Variants in SNTG2 observed in about 807,000 individuals in gnomAD.
The protein encoded by SNTG2 is syntrophin gamma 2, also known as gamma-2-syntrophin.
In SNTG2, 74 loss-of-function variants were observed where a neutral mutation model predicts 70.9. That is an observed-to-expected ratio of 1.04 (90% CI 0.86 to 1.27). The LOEUF (loss-of-function observed/expected upper bound fraction) is 1.27, where lower values mean the gene tolerates loss of function less well. SNTG2 is among the 50% of genes most tolerant of loss of function. The pLI is 0.00. For missense variants in SNTG2, 717 were observed against 690.7 expected (o/e 1.04, Z -0.43); for synonymous variants, 278 against 273.8 (o/e 1.02, Z -0.15).
At chr2:1,008,286 C>A (rs1659630400) in intron 1 of SNTG2, among the ~76,000 whole-genome samples, 1 of 152,140 alleles carries the variant, frequency 6.6e-6, no homozygotes, top group South Asian at 2.1e-4. Context: ...GTAACACTCA[C>A]CATTTATAAG....
intron 1 of SNTG2, among the ~76,000 whole-genome samples, chr2:1,034,833 A>G (rs988279969): frequency 1.3e-5 from 2 of 152,380 alleles, no homozygotes; most frequent in Non-Finnish European, 2.9e-5. Flanking sequence ...TAACAAAGAC[A>G]TTAAGGACCT....
intron 16 of SNTG2, among the ~76,000 whole-genome samples, chr2:1,352,476 G>A (rs934210079): frequency 8.5e-5 from 13 of 152,194 alleles, no homozygotes; most frequent in Non-Finnish European, 1.3e-4. Flanking sequence ...GCTGGGCCCC[G>A]TGTCAGGTTT....
intron 14 of SNTG2, among the ~76,000 whole-genome samples, chr2:1,291,201 T>C (rs1371943130): frequency 6.6e-6 from 1 of 152,180 alleles, no homozygotes; most frequent in Non-Finnish European, 1.5e-5. Context: ...AATTGGGTTG[T>C]TTGCTTGTTT....
In SNTG2 at chr2:1,331,356, A is replaced by C. The variant is rs182836881; in HGVS notation, c.1488+14981A>C. Among the ~76,000 whole-genome samples, 44 of 152,370 alleles carry C rather than the reference A, an allele frequency of 2.9e-4. No homozygotes were observed. In the Middle Eastern group the frequency reaches 0.024, roughly 83 times the overall value. On this transcript the variant is annotated intron_variant, in intron 16 of 16. Transcript: ENST00000308624. ...GTGTAAATTTGGGCCTAAAGAAGTG[A>C]AACCACTGGTGCTAGACTGGAATAC...
chr2:1,218,036 A>G (rs905785034), intron 9 of SNTG2, among the ~76,000 whole-genome samples: 1 of 151,828 alleles, frequency 6.6e-6, no homozygotes, highest in Non-Finnish European at 1.5e-5. Context: ...CAGTCCCTTG[A>G]CTTTATAGGA....
intron 9 of SNTG2, among the ~76,000 whole-genome samples, chr2:1,232,064 C>T (rs970562747): frequency 3.9e-5 from 6 of 152,288 alleles, no homozygotes; most frequent in African/African-American, 1.4e-4. Context: ...ACTCACTGGC[C>T]TCAGCATGGC....
chr2:1,276,314 G>A (rs1342391762), intron 14 of SNTG2, among the ~76,000 whole-genome samples: 1 of 152,218 alleles, frequency 6.6e-6, no homozygotes, highest in Non-Finnish European at 1.5e-5. Flanking sequence ...TGACTTCAAA[G>A]CACCAAAGGA....
intron 1 of SNTG2, among the ~76,000 whole-genome samples, chr2:1,055,744 G>A (rs1322654287): frequency 6.6e-6 from 1 of 152,180 alleles, no homozygotes; most frequent in East Asian, 1.9e-4. Context: ...TTATCATGAA[G>A]GATTTAACAG....
intron 6 of SNTG2, 99 bp from the exon 7 acceptor site, chr2:1,165,449 A>C (rs1670643222): frequency 2.6e-6 from 3 of 1,153,044 alleles, no homozygotes; most frequent in South Asian, 1.4e-5. Flanking sequence ...ATGAACTTTG[A>C]ATTCTTGGGA....
intron 14 of SNTG2, among the ~76,000 whole-genome samples, chr2:1,282,567 CAG>C (rs1431581752): frequency 3.3e-5 from 5 of 152,214 alleles, no homozygotes; most frequent in Admixed American, 6.5e-5. Flanking sequence ...TTCTACCAAA[CAG>C]GGGAATCCAG....
chr2:1,337,701 T>C (rs1016341534), intron 16 of SNTG2, among the ~76,000 whole-genome samples: 2 of 152,178 alleles, frequency 1.3e-5, no homozygotes, highest in African/African-American at 4.8e-5. Flanking sequence ...GTTGGTGCAA[T>C]CTAATTATCT....
Position 1,056,943 on chromosome 2 carries a change from GC to G in SNTG2, c.73-26574del, listed in dbSNP as rs1405191869. The stretch of plus-strand genomic sequence containing the variant: ...TGGGGAGGGAGGGAGGGAGAGCGCG[GC>G]GCCCCGCTGTGGGGAGGGAGGGAGG... On this transcript the variant is annotated intron_variant, in intron 1 of 16. Coordinates refer to ENST00000308624, the MANE Select transcript of SNTG2 (RefSeq NM_018968.4). Among the ~76,000 whole-genome samples, 26 of 7,756 alleles carry G rather than the reference GC, an allele frequency of 3.4e-3. 5 individuals are homozygous for G. Among genetic ancestry groups the G allele is most frequent in the African/African-American group, 6.5e-3 (19 of 2,906 alleles). 5.1% of individuals were successfully genotyped at this position (7,756 alleles called of 152,430 possible).
intron 1 of SNTG2, among the ~76,000 whole-genome samples, chr2:959,869 T>TATG (rs2147944372): frequency 6.6e-6 from 1 of 151,986 alleles, no homozygotes; most frequent in African/African-American, 2.4e-5. Flanking sequence ...TGAAAGTGAA[T>TATG]ATGAGATGGA....
At chr2:1,178,007 A>C (rs533181806) in intron 8 of SNTG2, among the ~76,000 whole-genome samples, 2 of 152,186 alleles carry the variant, frequency 1.3e-5, no homozygotes, top group African/African-American at 4.8e-5. Context: ...AATATTTTTA[A>C]TTATATGATA....
At chr2:1,162,049 G>A (rs1404018087) in intron 6 of SNTG2, among the ~76,000 whole-genome samples, 4 of 145,686 alleles carry the variant, frequency 2.7e-5, no homozygotes, top group South Asian at 2.2e-4. Context: ...ACTCCAGCCT[G>A]GGCGACAGTG....
At chr2:982,785 G>A (rs183011627) in intron 1 of SNTG2, among the ~76,000 whole-genome samples, 117 of 152,332 alleles carry the variant, frequency 7.7e-4, no homozygotes, top group African/African-American at 2.6e-3. Context: ...ATTCAACACT[G>A]ATTGTGGACT....
chr2:1,084,582 C>T lies in SNTG2; in HGVS notation c.210+927C>T, dbSNP rs536469102. Among the ~76,000 whole-genome samples the T allele has an allele frequency of 7.2e-5, 11 of 152,332 alleles. No homozygotes were observed. In the South Asian group the frequency reaches 2.3e-3, roughly 32 times the overall value. On this transcript the variant is annotated intron_variant, in intron 2 of 16. Transcript: ENST00000308624. ...GAACCCCAGCCCCAGAACCACATCC[C>T]ACCACGTGCCCTCTTCGTTCTGGCT... is the stretch of plus-strand genomic sequence containing the variant.
chr2:1,291,921 G>A (rs1265681679), intron 14 of SNTG2, among the ~76,000 whole-genome samples: 1 of 152,178 alleles, frequency 6.6e-6, no homozygotes, highest in African/African-American at 2.4e-5. Flanking sequence ...AGATAGCTTT[G>A]AGTGGTATGG....
intron 4 of SNTG2, among the ~76,000 whole-genome samples, chr2:1,113,485 AACTG>A: frequency 6.6e-6 from 1 of 150,678 alleles, no homozygotes; most frequent in African/African-American, 2.4e-5. Flanking sequence ...CGTGTGTACT[AACTG>A]AGGTTTAACC....
Sources: allele counts gnomAD v4.1 joint callset (sites outside exome capture counted in the v4.1 genomes callset), GRCh38; gene constraint gnomAD v4.1.1; transcripts MANE v1.5; gene names NCBI Gene and HGNC (gene_info 2026-07-23, HGNC 2026-07-21).